The following CAGE1 variants were observed in gnomAD, a reference collection of about 807,000 sequenced individuals.
CAGE1 encodes the protein cancer antigen 1, also known as cancer-associated gene 1 protein.
In CAGE1, 66 loss-of-function variants were observed where a neutral mutation model predicts 94.9. That is an observed-to-expected ratio of 0.70 (90% CI 0.57 to 0.85). CAGE1 has a LOEUF of 0.85. Ranked by LOEUF, CAGE1 falls within the 40% of genes least tolerant of loss-of-function variation. The probability of loss-of-function intolerance (pLI) is 0.00; values close to 1 mark genes in which losing one functional copy is unlikely to be tolerated. For missense variants in CAGE1, 865 were observed against 950.4 expected, an observed-to-expected ratio of 0.91 and a Z score of 1.18; for synonymous variants, 319 against 321.0, an observed-to-expected ratio of 0.99 and a Z score of 0.07.
At chr6:7,374,865 G>C (rs1027291007) in intron 4 of CAGE1, among the ~76,000 whole-genome samples, 1 of 151,384 alleles carries the variant, frequency 6.6e-6, no homozygotes, top group Non-Finnish European at 1.5e-5. Flanking sequence ...CCCCATCTCT[G>C]CCCAAAATAC....
At chr6:7,386,051 G>C (rs1761110639) in intron 2 of CAGE1, among the ~76,000 whole-genome samples, 179 bp from the exon 3 acceptor site, 1 of 152,150 alleles carries the variant, frequency 6.6e-6, no homozygotes, top group Non-Finnish European at 1.5e-5. Flanking sequence ...TATGCTAACA[G>C]AGTCCCAATA....
At position 7,339,634 on chromosome 6, in the gene CAGE1, C is replaced by G. The variant is rs538091580; in HGVS notation, c.2370-5544G>C. The G allele has an allele frequency of 4.7e-6, 3 of 643,452 alleles. No individual in the cohort carries two copies. The allele number at this position is 643,452 out of a possible 1,614,324, so 39.9% of individuals were successfully genotyped here. ...TTCTTATGCCTTTGTGTCCTCATAGCTTAGCTCCCACTTATGAGTGAGAAC... is the reference window on the plus strand; with the variant it reads ...TTCTTATGCCTTTGTGTCCTCATAGGTTAGCTCCCACTTATGAGTGAGAAC... On this transcript the variant is annotated intron_variant, in intron 11 of 13. Transcript: ENST00000502583. This position sits in a 1 kb window ranked among gnomAD's most constrained non-coding sequence, Gnocchi z 4.7.
chr6:7,365,916 GA>G, intron 7 of CAGE1, 32 bp from the exon 8 acceptor site: 4 of 1,230,354 alleles, frequency 3.3e-6, no homozygotes, highest in Non-Finnish European at 4.6e-6. Flanking sequence ...GTATTTTAGA[GA>G]GAAAATACAA....
intron 5 of CAGE1, 93 bp downstream of exon 5, chr6:7,372,980 A>G: frequency 1.1e-6 from 1 of 899,688 alleles, no homozygotes; most frequent in Non-Finnish European, 1.6e-6. Context: ...TTCTTTCTGC[A>G]AACAAATATA....
At chr6:7,378,529 C>T in intron 4 of CAGE1, 88 bp downstream of exon 4, 3 of 1,199,376 alleles carry the variant, frequency 2.5e-6, no homozygotes, top group South Asian at 3.5e-5. Context: ...AATCGTACCT[C>T]CTCTGCTTTA....
chr6:7,385,996 C>T, intron 2 of CAGE1, 124 bp from the exon 3 acceptor site: 2 of 501,432 alleles, frequency 4.0e-6, no homozygotes, highest in Non-Finnish European at 3.4e-6. Flanking sequence ...AATGTGCTTT[C>T]TAGTATCTTT....
chr6:7,344,604 G>A (rs1038243334), intron 11 of CAGE1, among the ~76,000 whole-genome samples: 3 of 151,964 alleles, frequency 2.0e-5, no homozygotes, highest in Non-Finnish European at 2.9e-5. Context: ...GAGTGCGGGC[G>A]TACGGCCCGA....
chr6:7,344,280 T>A (rs183196291), intron 11 of CAGE1, among the ~76,000 whole-genome samples: 1,628 of 152,256 alleles, frequency 0.011, 17 homozygotes, highest in Non-Finnish European at 0.017. Flanking sequence ...GAGTTCCGGG[T>A]AGGCGTGGGC....
At position 7,362,988 on chromosome 6, in the gene CAGE1, G is replaced by T. The variant is rs149273061; in HGVS notation, c.2193+2480C>A. The stretch of plus-strand genomic sequence containing the variant: ...TCAAAATGTAATACTAACAGGCTGG[G>T]CATGGTGGCTCACACCTGTAATCCC... On this transcript the variant is annotated intron_variant, in intron 9 of 13. Coordinates refer to ENST00000502583, the MANE Select transcript of CAGE1 (RefSeq NM_001170692.2). The surrounding 1 kb of genome is among the most constrained non-coding windows in gnomAD (Gnocchi z 4.1). Among the ~76,000 whole-genome samples, 1,704 of 152,260 alleles carry T rather than the reference G, an allele frequency of 0.011. 27 individuals are homozygous for T. The highest frequency in any genetic ancestry group is 0.039 in the African/African-American group (1,627 of 41,526).
At chr6:7,344,084 G>C (rs943648181) in intron 11 of CAGE1, among the ~76,000 whole-genome samples, 1 of 152,228 alleles carries the variant, frequency 6.6e-6, no homozygotes, top group African/African-American at 2.4e-5. Context: ...GCTCGCTCTC[G>C]GCACCTCCTC....
chr6:7,330,353 C>T (rs1302159008), intron 12 of CAGE1, among the ~76,000 whole-genome samples: 1 of 152,156 alleles, frequency 6.6e-6, no homozygotes, highest in African/African-American at 2.4e-5. Flanking sequence ...CGCCATTGCA[C>T]TGCAGCCTGG....
At chr6:7,365,916 G>C (rs1760315569) in intron 7 of CAGE1, 32 bp from the exon 8 acceptor site, 6 of 1,230,232 alleles carry the variant, frequency 4.9e-6, no homozygotes, top group Admixed American at 2.5e-5. Context: ...GTATTTTAGA[G>C]AGAAAATACA....
chr6:7,382,230 C>A (rs1253880041), intron 3 of CAGE1, among the ~76,000 whole-genome samples: 1 of 152,078 alleles, frequency 6.6e-6, no homozygotes, highest in Non-Finnish European at 1.5e-5. Flanking sequence ...TCACTCCATG[C>A]TTTTTACTTT....
At chr6:7,359,393 A>C (rs1760097006) in intron 9 of CAGE1, among the ~76,000 whole-genome samples, 1 of 152,090 alleles carries the variant, frequency 6.6e-6, no homozygotes, top group South Asian at 2.1e-4. Flanking sequence ...CCTCTTCAGC[A>C]CCTCCTTTCC....
chr6:7,344,826 C>T (rs1485214880), intron 11 of CAGE1, among the ~76,000 whole-genome samples: 2 of 152,220 alleles, frequency 1.3e-5, no homozygotes, highest in Non-Finnish European at 2.9e-5. Flanking sequence ...CACCAATCAA[C>T]ACTCTGTATC....
chr6:7,336,336 G>A (rs185649204), intron 11 of CAGE1, among the ~76,000 whole-genome samples: 2 of 152,152 alleles, frequency 1.3e-5, no homozygotes, highest in East Asian at 1.9e-4. Context: ...AGAGCTGCAC[G>A]CAAGAAGCTA....
intron 5 of CAGE1, among the ~76,000 whole-genome samples, chr6:7,372,252 A>G (rs1045527146): frequency 6.6e-6 from 1 of 152,108 alleles, no homozygotes; most frequent in African/African-American, 2.4e-5. Flanking sequence ...CAGGTGGATC[A>G]CTTGAGGTCA....
intron 11 of CAGE1, 86 bp from the exon 12 acceptor site, chr6:7,334,176 G>A (rs1372880514): frequency 4.3e-6 from 3 of 704,310 alleles, no homozygotes; most frequent in South Asian, 1.8e-5. Flanking sequence ...GATTTTAGTA[G>A]GTAAAAATAG....
chr6:7,376,389 AAAATAAAT>A (rs200068860), intron 4 of CAGE1, among the ~76,000 whole-genome samples: 8,799 of 141,576 alleles, frequency 0.062, 339 homozygotes, highest in African/African-American at 0.11. Context: ...ACTCCATCTC[AAAATAAAT>A]AAATAAATAA....
Sources: allele counts gnomAD v4.1 joint callset (sites outside exome capture counted in the v4.1 genomes callset), GRCh38; gene constraint gnomAD v4.1.1; non-coding constraint Gnocchi (gnomAD v3.1); transcripts MANE v1.5; gene names NCBI Gene and HGNC (gene_info 2026-07-23, HGNC 2026-07-21).